MAML3: variants seen among roughly 807,000 people sequenced by gnomAD.
The protein encoded by MAML3 is mastermind-like protein 3.
In MAML3, 27 loss-of-function variants were observed where a neutral mutation model predicts 101.9. That is an observed-to-expected ratio of 0.27 (90% CI 0.20 to 0.37). MAML3 has a LOEUF of 0.37. Ranked by LOEUF, MAML3 falls within the 10% of genes least tolerant of loss-of-function variation. The probability of loss-of-function intolerance (pLI) is 1.00; values close to 1 mark genes in which losing one functional copy is unlikely to be tolerated. For synonymous variants in MAML3, 501 were observed against 555.9 expected, an observed-to-expected ratio of 0.90 and a Z score of 1.39; for missense variants, 1,316 against 1,444.9, an observed-to-expected ratio of 0.91 and a Z score of 1.45.
chr4:140,132,140 G>A (rs1728804978), intron 1 of MAML3, among the ~76,000 whole-genome samples: 1 of 152,196 alleles, frequency 6.6e-6, no homozygotes, highest in Non-Finnish European at 1.5e-5. Flanking sequence ...ACCTCTTACT[G>A]GTACACATGC....
Position 139,829,028 on chromosome 4 carries a change from C to T in MAML3, c.2079+60329G>A, listed in dbSNP as rs113685263. On this transcript the variant is annotated intron_variant, in intron 2 of 4. Coordinates refer to ENST00000509479, the MANE Select transcript of MAML3 (RefSeq NM_018717.5). ...AAGGAAGGAAGGAAGGAAGGACGGA[C>T]GGACGGACTAAGGGAGGGAGGGAGG... Among the ~76,000 whole-genome samples, 312 of 106,822 alleles carry T rather than the reference C, an allele frequency of 2.9e-3. 2 individuals are homozygous for T. The highest frequency in any genetic ancestry group is 4.3e-3 in the Non-Finnish European group (233 of 53,716). 70.1% of individuals were successfully genotyped at this position (106,822 alleles called of 152,430 possible).
chr4:139,737,140 G>C (rs747597925), intron 2 of MAML3, among the ~76,000 whole-genome samples: 12 of 152,216 alleles, frequency 7.9e-5, no homozygotes, highest in Non-Finnish European at 1.6e-4. Context: ...GACATCCCTA[G>C]ACTTACAAGT....
chr4:139,955,765 G>T lies in MAML3; in HGVS notation c.469-64798C>A, dbSNP rs578040966. Among the ~76,000 whole-genome samples, 4 of 152,278 alleles carry T rather than the reference G, an allele frequency of 2.6e-5. No homozygotes were observed. The South Asian group carries it at 8.3e-4, about 32-fold the overall frequency. ...TTGCTAGGCTCTCAGGTAGTTAACT[G>T]GGAGTCATGTTACTAGTCTGGCCAA... On this transcript the variant is annotated intron_variant, in intron 1 of 4. Transcript: ENST00000509479.
At chr4:140,053,107 C>T (rs1357255214) in intron 1 of MAML3, among the ~76,000 whole-genome samples, 2 of 152,126 alleles carry the variant, frequency 1.3e-5, no homozygotes, top group African/African-American at 2.4e-5. Flanking sequence ...TGATAAGAGA[C>T]AAATACACTC....
At chr4:139,920,988 T>C (rs1248890872) in intron 1 of MAML3, among the ~76,000 whole-genome samples, 1 of 152,176 alleles carries the variant, frequency 6.6e-6, no homozygotes, top group African/African-American at 2.4e-5. Flanking sequence ...CATGGGCAGG[T>C]GGGATCAGCT....
intron 1 of MAML3, among the ~76,000 whole-genome samples, chr4:140,049,681 T>TA (rs58267134): frequency 0.03 from 4,517 of 151,624 alleles, 202 homozygotes; most frequent in African/African-American, 0.1. Flanking sequence ...CCTTTTTTTT[T>TA]AAAAGGACAG....
chr4:139,889,130 A>C, intron 2 of MAML3: 1 of 832,494 alleles, frequency 1.2e-6, no homozygotes, highest in Non-Finnish European at 2.1e-6. Context: ...AAGAAGTTTG[A>C]TTCCTAGACA....
At chr4:139,812,712 C>T (rs767537519) in intron 2 of MAML3, among the ~76,000 whole-genome samples, 1 of 152,156 alleles carries the variant, frequency 6.6e-6, no homozygotes, top group Non-Finnish European at 1.5e-5. Flanking sequence ...TGAGGAATGA[C>T]TAACAGATCT....
In MAML3 at chr4:140,009,935, AATGGCTGG is replaced by A. The variant is rs540352562; in HGVS notation, c.469-118976_469-118969del. On this transcript the variant is annotated intron_variant, in intron 1 of 4. Transcript: ENST00000509479. ...GACTGGGCTTACCACTGGTTTAGCA[AATGGCTGG>A]ATGGTATAGAAAATTAAGCAACTTT... is the stretch of plus-strand genomic sequence containing the variant. Among the ~76,000 whole-genome samples the A allele has an allele frequency of 2.4e-3, 369 of 152,352 alleles. 1 individual carries two copies. Among genetic ancestry groups the A allele is most frequent in the African/African-American group, 8.3e-3 (345 of 41,570 alleles).
intron 1 of MAML3, among the ~76,000 whole-genome samples, chr4:140,090,084 C>T (rs2110979985): frequency 6.6e-6 from 1 of 152,242 alleles, no homozygotes; most frequent in East Asian, 1.9e-4. Context: ...GGACAATATC[C>T]CCCAAGAAAT....
At chr4:140,062,784 G>C (rs1292852199) in intron 1 of MAML3, among the ~76,000 whole-genome samples, 1 of 152,166 alleles carries the variant, frequency 6.6e-6, no homozygotes, top group South Asian at 2.1e-4. Context: ...ACAGTTCCAG[G>C]ACATAGATTT....
At chr4:140,049,884 AT>A (rs33918608) in intron 1 of MAML3, among the ~76,000 whole-genome samples, 60,643 of 150,600 alleles carry the variant, frequency 0.4, 12,608 homozygotes, top group African/African-American at 0.47. Context: ...TAATCACAGG[AT>A]TTTTTTTTTT....
At chr4:139,823,513 C>T (rs1389324150) in intron 2 of MAML3, among the ~76,000 whole-genome samples, 1 of 152,036 alleles carries the variant, frequency 6.6e-6, no homozygotes, top group Non-Finnish European at 1.5e-5. Flanking sequence ...TCTGCATGTG[C>T]GTGTTGGCAT....
At chr4:139,991,628 C>T (rs1734673951) in intron 1 of MAML3, among the ~76,000 whole-genome samples, 1 of 152,066 alleles carries the variant, frequency 6.6e-6, no homozygotes. Flanking sequence ...TAAAAAGTTA[C>T]TTCTGTGCCA....
chr4:139,972,128 T>C (rs1183955631), intron 1 of MAML3, among the ~76,000 whole-genome samples: 4 of 152,300 alleles, frequency 2.6e-5, no homozygotes, highest in South Asian at 4.1e-4. Flanking sequence ...GGTAAATGTG[T>C]GCCATGGTGG....
At chr4:140,056,605 G>A (rs1004520325) in intron 1 of MAML3, among the ~76,000 whole-genome samples, 5 of 151,872 alleles carry the variant, frequency 3.3e-5, no homozygotes, top group Non-Finnish European at 7.4e-5. Flanking sequence ...TCAGGATTTC[G>A]AGACCCACCT....
chr4:139,957,957 T>C (rs977769180), intron 1 of MAML3, among the ~76,000 whole-genome samples: 5 of 152,214 alleles, frequency 3.3e-5, no homozygotes, highest in African/African-American at 1.2e-4. Context: ...CATAAGTATA[T>C]ATGTATAAAT....
In MAML3 at chr4:140,005,485, C is replaced by T. The variant is rs748014292; in HGVS notation, c.469-114518G>A. On this transcript the variant is annotated intron_variant, in intron 1 of 4. Coordinates refer to ENST00000509479, the MANE Select transcript of MAML3 (RefSeq NM_018717.5). ...TACAAACAAAGCACTTACTAAATAACGCTCCAGGTAATGGATGATGACAGG... is the reference window on the plus strand; with the variant it reads ...TACAAACAAAGCACTTACTAAATAATGCTCCAGGTAATGGATGATGACAGG... Among the ~76,000 whole-genome samples the T allele has an allele frequency of 3.7e-4, 57 of 152,308 alleles. No homozygotes were observed. In the Middle Eastern group the frequency reaches 0.014, roughly 36 times the overall value.
At chr4:139,762,343 C>A (rs1729774101) in intron 2 of MAML3, among the ~76,000 whole-genome samples, 1 of 152,128 alleles carries the variant, frequency 6.6e-6, no homozygotes, top group African/African-American at 2.4e-5. Context: ...CTATATGTAG[C>A]ATGCTTAGAG....
Sources: allele counts gnomAD v4.1 joint callset (sites outside exome capture counted in the v4.1 genomes callset), GRCh38; gene constraint gnomAD v4.1.1; transcripts MANE v1.5; gene names NCBI Gene and HGNC (gene_info 2026-07-23, HGNC 2026-07-21).